Variants in PTPRG observed in about 807,000 individuals in gnomAD.
The protein encoded by PTPRG is receptor-type tyrosine-protein phosphatase gamma.
A neutral mutation model predicts 165.3 loss-of-function variants in PTPRG; 102 were observed. That is an observed-to-expected ratio of 0.62 (90% CI 0.53 to 0.73). The LOEUF (loss-of-function observed/expected upper bound fraction) is 0.73, where lower values mean the gene tolerates loss of function less well. Among genes scored for constraint, PTPRG ranks in the 30% least tolerant of loss-of-function variants. The probability of loss-of-function intolerance (pLI) is 0.00; values close to 1 mark genes in which losing one functional copy is unlikely to be tolerated. For missense variants in PTPRG, 1,866 were observed against 1,861.4 expected, an observed-to-expected ratio of 1.00 and a Z score of -0.05; for synonymous variants, 675 against 669.5, an observed-to-expected ratio of 1.01 and a Z score of -0.13.
At chr3:61,645,228 A>G (rs9879138) in intron 1 of PTPRG, among the ~76,000 whole-genome samples, 5,675 of 152,322 alleles carry the variant, frequency 0.037, 359 homozygotes, top group African/African-American at 0.13. Context: ...CAGTGTTTGC[A>G]TTTAGCCACA....
At chr3:61,926,609 C>CTCCCGCCCTCCT (rs1335655029) in intron 2 of PTPRG, among the ~76,000 whole-genome samples, 1 of 94,788 alleles carries the variant, frequency 1.1e-5, no homozygotes. Context: ...CCCTCCCTCC[C>CTCCCGCCCTCCT]TCCTTCCTTC....
intron 2 of PTPRG, among the ~76,000 whole-genome samples, chr3:61,816,437 C>A (rs2035765045): frequency 6.6e-6 from 1 of 152,112 alleles, no homozygotes; most frequent in African/African-American, 2.4e-5. Flanking sequence ...GAGGCTGAGG[C>A]AGGGGAATCA....
intron 5 of PTPRG, among the ~76,000 whole-genome samples, chr3:62,118,937 C>T (rs1406909370): frequency 6.6e-6 from 1 of 152,214 alleles, no homozygotes; most frequent in East Asian, 1.9e-4. Context: ...TCCTCCTTAA[C>T]GTCTTTTCCC....
At chr3:62,048,441 T>C (rs1450968679) in intron 4 of PTPRG, among the ~76,000 whole-genome samples, 1 of 152,208 alleles carries the variant, frequency 6.6e-6, no homozygotes, top group East Asian at 1.9e-4. Context: ...CCTCTAAGTA[T>C]AGACAAAATG....
At chr3:61,848,759 C>G (rs2036875858) in intron 2 of PTPRG, among the ~76,000 whole-genome samples, 1 of 152,112 alleles carries the variant, frequency 6.6e-6, no homozygotes, top group Non-Finnish European at 1.5e-5. Context: ...AGAAGACACA[C>G]CCACACACAT....
chr3:62,043,393 T>C (rs1472165982), intron 4 of PTPRG, among the ~76,000 whole-genome samples: 1 of 152,240 alleles, frequency 6.6e-6, no homozygotes, highest in Non-Finnish European at 1.5e-5. Context: ...TTCAGAATGA[T>C]TTTAATGTGG....
chr3:61,717,029 G>T (rs2031839430), intron 1 of PTPRG, among the ~76,000 whole-genome samples: 1 of 152,132 alleles, frequency 6.6e-6, no homozygotes, highest in African/African-American at 2.4e-5. Context: ...CAATTATGGT[G>T]ACTTGTTTCT....
intron 4 of PTPRG, among the ~76,000 whole-genome samples, chr3:62,007,622 C>G (rs2041327539): frequency 1.3e-5 from 2 of 152,168 alleles, no homozygotes; most frequent in Non-Finnish European, 2.9e-5. Flanking sequence ...AGTCACAGTT[C>G]CTGCCTTCAA....
chr3:61,903,653 C>T (rs1413779635), intron 2 of PTPRG, among the ~76,000 whole-genome samples: 4 of 152,184 alleles, frequency 2.6e-5, no homozygotes, highest in Non-Finnish European at 5.9e-5. Context: ...GGGTTAATTG[C>T]GTGAGCCACC....
At chr3:62,087,411 C>A (rs1324672904) in intron 5 of PTPRG, among the ~76,000 whole-genome samples, 2 of 152,166 alleles carry the variant, frequency 1.3e-5, no homozygotes, top group Non-Finnish European at 2.9e-5. Flanking sequence ...CTCTTTCCTC[C>A]CCCAGATAAA....
At chr3:61,787,133 C>T (rs1288138725) in intron 2 of PTPRG, among the ~76,000 whole-genome samples, 1 of 152,078 alleles carries the variant, frequency 6.6e-6, no homozygotes, top group African/African-American at 2.4e-5. Context: ...ACCTAAGAAG[C>T]AAATATTAAT....
In PTPRG at chr3:61,767,239, T is replaced by TGAAAAAAAAAAAAAAAAA. The variant is rs1371380259; in HGVS notation, c.190+18257_190+18258insGAAAAAAAAAAAAAAAAA. On this transcript the variant is annotated intron_variant, in intron 2 of 29. Coordinates refer to ENST00000474889, the MANE Select transcript of PTPRG (RefSeq NM_002841.4). ...AGCCTTGTGACAGCAAGATTCCATCTCAAAAAAAAAAAAAAAAAGAAAGTA... is the reference window on the plus strand; with the variant it reads ...AGCCTTGTGACAGCAAGATTCCATCTGAAAAAAAAAAAAAAAAACAAAAAAAAAAAAAAAAAGAAAGTA... Among the ~76,000 whole-genome samples, 38 of 73,074 alleles carry TGAAAAAAAAAAAAAAAAA rather than the reference T, an allele frequency of 5.2e-4. 13 individuals are homozygous for TGAAAAAAAAAAAAAAAAA. The highest frequency in any genetic ancestry group is 4.6e-3 in the East Asian group (9 of 1,968). The allele number at this position is 73,074 out of a possible 152,430, so 47.9% of individuals were successfully genotyped here.
At chr3:61,730,206 G>A (rs2032437204) in intron 1 of PTPRG, among the ~76,000 whole-genome samples, 1 of 152,152 alleles carries the variant, frequency 6.6e-6, no homozygotes, top group Non-Finnish European at 1.5e-5. Context: ...GTCCTGCTGG[G>A]CTGGAGCCCA....
chr3:62,068,366 G>A (rs924631161), intron 4 of PTPRG, among the ~76,000 whole-genome samples: 2 of 152,090 alleles, frequency 1.3e-5, no homozygotes, highest in Non-Finnish European at 2.9e-5. Flanking sequence ...AACTTGCTCC[G>A]TCAAGCAGGT....
chr3:61,680,512 AAAAAAACAC>A (rs1326536596), intron 1 of PTPRG, among the ~76,000 whole-genome samples: 4 of 146,864 alleles, frequency 2.7e-5, no homozygotes, highest in Admixed American at 6.9e-5. Context: ...AAAAAAAAAA[AAAAAAACAC>A]AAAAAAACAG....
chr3:61,569,771 G>A (rs992192007), intron 1 of PTPRG, among the ~76,000 whole-genome samples: 1 of 152,202 alleles, frequency 6.6e-6, no homozygotes, highest in Non-Finnish European at 1.5e-5. Flanking sequence ...TGTTGAGGGT[G>A]AGGAGGAGTA....
chr3:61,760,925 T>C (rs1299878155), intron 2 of PTPRG, among the ~76,000 whole-genome samples: 2 of 152,212 alleles, frequency 1.3e-5, no homozygotes, highest in African/African-American at 4.8e-5. Flanking sequence ...AGGATGTGAA[T>C]GAAGGATCTC....
intron 1 of PTPRG, among the ~76,000 whole-genome samples, chr3:61,616,897 G>T (rs779339988): frequency 6.6e-6 from 1 of 152,190 alleles, no homozygotes; most frequent in East Asian, 1.9e-4. Context: ...GAACAGAAAG[G>T]GTGTTGTTGG....
intron 1 of PTPRG, among the ~76,000 whole-genome samples, chr3:61,595,181 G>GTTTTTTTT (rs1357469100): frequency 6.8e-6 from 1 of 146,440 alleles, no homozygotes; most frequent in Non-Finnish European, 1.5e-5. Context: ...AACAAGATGT[G>GTTTTTTTT]TTTGTTTTTT....
Sources: allele counts gnomAD v4.1 joint callset (sites outside exome capture counted in the v4.1 genomes callset), GRCh38; gene constraint gnomAD v4.1.1; transcripts MANE v1.5; gene names NCBI Gene and HGNC (gene_info 2026-07-23, HGNC 2026-07-21).